The following LRP1B variants were observed in gnomAD, a reference collection of about 807,000 sequenced individuals.
The protein encoded by LRP1B is low-density lipoprotein receptor-related protein 1B.
In LRP1B, 217 loss-of-function variants were observed where a neutral mutation model predicts 556.6. The observed-to-expected ratio is 0.39, with a 90% CI of 0.35 to 0.44. The LOEUF is 0.44. Among genes scored for constraint, LRP1B ranks in the 20% least tolerant of loss-of-function variants. The pLI is 1.00. For synonymous variants in LRP1B, 2,047 were observed against 1,865.8 expected, an observed-to-expected ratio of 1.10 and a Z score of -2.50; for missense variants, 5,053 against 5,620.8, an observed-to-expected ratio of 0.90 and a Z score of 3.23.
chr2:141,070,363 A>T (rs199824981), intron 7 of LRP1B, among the ~76,000 whole-genome samples: 5,930 of 151,256 alleles, frequency 0.039, 181 homozygotes, highest in Middle Eastern at 0.12. Flanking sequence ...CAGTGTGTAG[A>T]GGGAAATTTA....
chr2:141,478,587 A>C (rs1682799574), intron 3 of LRP1B, among the ~76,000 whole-genome samples: 1 of 148,730 alleles, frequency 6.7e-6, no homozygotes, highest in South Asian at 2.1e-4. Flanking sequence ...TCAGTCACCC[A>C]GGCTGGAGTG....
At chr2:141,569,010 T>G (rs1417274462) in intron 2 of LRP1B, among the ~76,000 whole-genome samples, 1 of 150,804 alleles carries the variant, frequency 6.6e-6, no homozygotes, top group Non-Finnish European at 1.5e-5. Flanking sequence ...TCAGGTGATC[T>G]GCCTGCCTTA....
chr2:141,716,169 A>G (rs1378774368), intron 2 of LRP1B, among the ~76,000 whole-genome samples: 1 of 152,220 alleles, frequency 6.6e-6, no homozygotes, highest in Non-Finnish European at 1.5e-5. Flanking sequence ...AAAGCCAACT[A>G]GCACTTTTTA....
At chr2:140,670,887 G>A (rs1405959654) in intron 41 of LRP1B, among the ~76,000 whole-genome samples, 1 of 152,142 alleles carries the variant, frequency 6.6e-6, no homozygotes, top group Non-Finnish European at 1.5e-5. Flanking sequence ...TAAGGCTGAA[G>A]ATGCAGAAAC....
chr2:141,461,405 T>G (rs990710118), intron 3 of LRP1B, among the ~76,000 whole-genome samples: 2 of 152,144 alleles, frequency 1.3e-5, no homozygotes, highest in African/African-American at 4.8e-5. Context: ...TTGACTGCAG[T>G]ATGCTTAATA....
chr2:140,295,994 GA>G, intron 84 of LRP1B, among the ~76,000 whole-genome samples: 1 of 151,532 alleles, frequency 6.6e-6, no homozygotes, highest in Middle Eastern at 3.4e-3. Flanking sequence ...AACAGGAAGT[GA>G]AAAAAAGGGG....
At chr2:140,591,612 A>G (rs1324316762) in intron 43 of LRP1B, among the ~76,000 whole-genome samples, 4 of 152,172 alleles carry the variant, frequency 2.6e-5, no homozygotes, top group African/African-American at 7.2e-5. Flanking sequence ...TGGGGATGAT[A>G]GCTATATAGT....
chr2:141,168,101 T>G (rs192016986), intron 7 of LRP1B, among the ~76,000 whole-genome samples: 1 of 151,954 alleles, frequency 6.6e-6, no homozygotes, highest in Non-Finnish European at 1.5e-5. Context: ...TTAAGAAAAC[T>G]AAAACAGAAA....
intron 77 of LRP1B, among the ~76,000 whole-genome samples, chr2:140,342,257 A>G (rs1022853600): frequency 2.0e-5 from 3 of 151,458 alleles, no homozygotes; most frequent in Admixed American, 1.3e-4. Context: ...CAAAAAAAAA[A>G]AACTTTGAAA....
At chr2:140,524,164 G>A (rs1425489709) in intron 49 of LRP1B, among the ~76,000 whole-genome samples, 2 of 151,618 alleles carry the variant, frequency 1.3e-5, no homozygotes, top group Non-Finnish European at 2.9e-5. Context: ...AATGGGTCGA[G>A]TATAGAAACA....
At chr2:142,006,158 G>A (rs898578625) in intron 1 of LRP1B, among the ~76,000 whole-genome samples, 13 of 152,008 alleles carry the variant, frequency 8.6e-5, no homozygotes, top group Admixed American at 6.6e-5. Flanking sequence ...CTAGAAAAAC[G>A]AATCAACCAT....
intron 7 of LRP1B, among the ~76,000 whole-genome samples, chr2:141,133,780 G>T (rs1701421667): frequency 1.3e-5 from 2 of 151,882 alleles, no homozygotes; most frequent in South Asian, 4.1e-4. Context: ...GTTAAAGAAT[G>T]GATAGATGAA....
intron 29 of LRP1B, among the ~76,000 whole-genome samples, chr2:140,846,974 G>T (rs1692292152): frequency 6.6e-6 from 1 of 152,190 alleles, no homozygotes; most frequent in Admixed American, 6.5e-5. Flanking sequence ...ACATTATTCA[G>T]CCTGTGGAGT....
At position 141,058,961 on chromosome 2, in the gene LRP1B, C is replaced by T. The variant is rs147336968; in HGVS notation, c.1330G>A (p.Gly444Arg). 2 of 1,600,096 alleles carry T rather than the reference C, an allele frequency of 1.2e-6. No individual in the cohort carries two copies. The highest frequency in any genetic ancestry group is 2.7e-5 in the African/African-American group (2 of 74,270). The change falls in exon 9 of 91, where the codon GGG becomes AGG. Residue 444 changes from glycine to arginine, a missense_variant. Gly to Arg is a moderately radical substitution (Grantham distance 125). Around this residue, in one of 5 missense-constraint regions of LRP1B, gnomAD observed 3,619 missense variants for 3,931.9 expected, o/e 0.92. Coordinates refer to ENST00000389484, the MANE Select transcript of LRP1B (RefSeq NM_018557.3). ...TTAATTAATGAGTGAATATCAGTCC[C>T]ATTAAATCGGTTTATCCTTACGATA... ...YNIVRINRFNGTDIHSLIKIE... is the reference protein window; with the variant it reads ...YNIVRINRFNRTDIHSLIKIE...
chr2:141,747,789 TAAC>T (rs1473077119), intron 2 of LRP1B, among the ~76,000 whole-genome samples: 12 of 152,218 alleles, frequency 7.9e-5, no homozygotes, highest in Admixed American at 7.9e-4. Context: ...AATTAGATAA[TAAC>T]AACTCAAATT....
intron 2 of LRP1B, among the ~76,000 whole-genome samples, chr2:141,566,821 T>C (rs1013130547): frequency 3.3e-5 from 5 of 152,074 alleles, no homozygotes; most frequent in Non-Finnish European, 5.9e-5. Flanking sequence ...ATCATGCCAC[T>C]GCACTCCAGC....
intron 1 of LRP1B, among the ~76,000 whole-genome samples, chr2:141,920,104 T>G (rs1405350565): frequency 6.6e-6 from 1 of 151,872 alleles, no homozygotes; most frequent in African/African-American, 2.4e-5. Flanking sequence ...GCCAGTACCT[T>G]ATGTGTTTCC....
At chr2:141,578,696 G>A (rs1219653695) in intron 2 of LRP1B, among the ~76,000 whole-genome samples, 2 of 152,060 alleles carry the variant, frequency 1.3e-5, no homozygotes, top group Non-Finnish European at 2.9e-5. Context: ...ATGCCCTGTT[G>A]ACTGATGCAA....
chr2:141,411,888 T>G (rs1162858542), intron 3 of LRP1B, among the ~76,000 whole-genome samples: 6 of 152,144 alleles, frequency 3.9e-5, no homozygotes, highest in African/African-American at 1.4e-4. Flanking sequence ...GTGATAAGAA[T>G]TTTTTAAATC....
Sources: allele counts gnomAD v4.1 joint callset (sites outside exome capture counted in the v4.1 genomes callset), GRCh38; gene constraint gnomAD v4.1.1; regional missense constraint gnomAD v4.1.1; transcripts MANE v1.5; gene names NCBI Gene and HGNC (gene_info 2026-07-23, HGNC 2026-07-21).